CFAP107: variants seen among roughly 807,000 people sequenced by gnomAD.
CFAP107 encodes cilia- and flagella-associated protein 107.
the CFAP107 span, among the ~76,000 whole-genome samples, chr1:12,758,121 TC>T: frequency 1.3e-5 from 2 of 152,136 alleles, no homozygotes; most frequent in African/African-American, 4.8e-5. Flanking sequence ...CCTTGTTCCT[TC>T]TGCCTCCCGA....
At chr1:12,750,286 C>T in the CFAP107 span, among the ~76,000 whole-genome samples, 2 of 152,008 alleles carry the variant, frequency 1.3e-5, no homozygotes, top group Non-Finnish European at 2.9e-5. Context: ...AAAAATTAAA[C>T]ACAAAAGAAG....
chr1:12,759,359 G>T, the CFAP107 span: 1 of 1,614,024 alleles, frequency 6.2e-7, no homozygotes, highest in Non-Finnish European at 8.5e-7. Flanking sequence ...CCCCCACATC[G>T]CTACCTGATC....
At chr1:12,763,382 G>A in the CFAP107 span, 3 of 152,268 alleles carry the variant, frequency 2.0e-5, no homozygotes, top group Admixed American at 1.3e-4. Context: ...GGGGTTGACG[G>A]ATGATGAATG....
At chr1:12,760,814 C>G in the CFAP107 span, 77 of 1,613,976 alleles carry the variant, frequency 4.8e-5, 1 homozygote, top group East Asian at 1.6e-4. Flanking sequence ...CAAGCAGAGA[C>G]AGCTCACACC....
the CFAP107 span, chr1:12,762,105 G>A: frequency 1.3e-5 from 2 of 152,360 alleles, no homozygotes; most frequent in South Asian, 4.1e-4. Context: ...CTCCCAGTAT[G>A]GGAGCCTGAG....
At chr1:12,755,791 G>A in the CFAP107 span, 2 of 1,613,238 alleles carry the variant, frequency 1.2e-6, no homozygotes, top group Admixed American at 3.3e-5. Context: ...ATCTCCAGGT[G>A]GTATGGGAAG....
the CFAP107 span, among the ~76,000 whole-genome samples, chr1:12,760,314 G>A: frequency 1.3e-5 from 2 of 152,204 alleles, no homozygotes; most frequent in South Asian, 2.1e-4. Flanking sequence ...AGGACACAGA[G>A]CAGTGCCAGC....
chr1:12,755,726 C>G, the CFAP107 span: 1 of 1,613,662 alleles, frequency 6.2e-7, no homozygotes, highest in Non-Finnish European at 8.5e-7. Context: ...ACAAGACACC[C>G]CAATCCATTT....
chr1:12,746,443 G>T, the CFAP107 span: 2 of 1,613,020 alleles, frequency 1.2e-6, no homozygotes, highest in Non-Finnish European at 1.7e-6. Flanking sequence ...GTTTTTGACT[G>T]CAGTAAATCC....
At chr1:12,757,948 G>A in the CFAP107 span, among the ~76,000 whole-genome samples, 1 of 152,032 alleles carries the variant, frequency 6.6e-6, no homozygotes, top group African/African-American at 2.4e-5. Flanking sequence ...TATTTCCTCT[G>A]CCTTAAATCA....
the CFAP107 span, among the ~76,000 whole-genome samples, chr1:12,760,547 C>T: frequency 6.6e-6 from 1 of 152,242 alleles, no homozygotes; most frequent in Non-Finnish European, 1.5e-5. Context: ...CTGATCTCCC[C>T]TGAGCACTTG....
the CFAP107 span, among the ~76,000 whole-genome samples, chr1:12,752,555 T>TAAAAAAA: frequency 4.3e-5 from 2 of 46,660 alleles, no homozygotes; most frequent in African/African-American, 8.3e-5. Flanking sequence ...CGACTCTGTC[T>TAAAAAAA]AAAAAAAAAA....
At chr1:12,759,267 T>A in the CFAP107 span, 1 of 1,599,598 alleles carries the variant, frequency 6.3e-7, no homozygotes, top group Non-Finnish European at 8.5e-7. Flanking sequence ...AGGTGGATGC[T>A]TCGCTCCTAT....
the CFAP107 span, among the ~76,000 whole-genome samples, chr1:12,754,630 A>C: frequency 1.3e-5 from 2 of 152,252 alleles, no homozygotes; most frequent in Non-Finnish European, 2.9e-5. Flanking sequence ...GGATGAATGG[A>C]TAAACAAAAC....
At chr1:12,754,971 C>T in the CFAP107 span, among the ~76,000 whole-genome samples, 6 of 152,176 alleles carry the variant, frequency 3.9e-5, no homozygotes, top group Admixed American at 1.3e-4. Flanking sequence ...GTCACTGAAC[C>T]GTAGAGTTGA....
At chr1:12,754,254 G>A in the CFAP107 span, among the ~76,000 whole-genome samples, 7 of 152,126 alleles carry the variant, frequency 4.6e-5, no homozygotes, top group Admixed American at 4.6e-4. Flanking sequence ...ATGTACAAAT[G>A]GCCAATAAAC....
At chr1:12,749,487 A>G in the CFAP107 span, among the ~76,000 whole-genome samples, 1 of 152,128 alleles carries the variant, frequency 6.6e-6, no homozygotes, top group African/African-American at 2.4e-5. Flanking sequence ...GGTATATGCC[A>G]ATAGTCCTAG....
chr1:12,757,269 A>G, the CFAP107 span, among the ~76,000 whole-genome samples: 1 of 151,682 alleles, frequency 6.6e-6, no homozygotes, highest in Admixed American at 6.6e-5. Flanking sequence ...AACTCCACCC[A>G]CCACCCCCCC....
the CFAP107 span, chr1:12,761,968 G>A: frequency 4.6e-5 from 7 of 152,232 alleles, no homozygotes; most frequent in Non-Finnish European, 8.8e-5. Context: ...AAGTGTGCAT[G>A]CTCAGTGCTC....
Sources: allele counts gnomAD v4.1 joint callset (sites outside exome capture counted in the v4.1 genomes callset), GRCh38; gene constraint gnomAD v4.1.1; transcripts MANE v1.5; gene names NCBI Gene and HGNC (gene_info 2026-07-23, HGNC 2026-07-21).